Variants in WWOX observed in about 807,000 individuals in gnomAD.
WWOX encodes WW domain containing oxidoreductase.
In WWOX, 69 loss-of-function variants were observed where a neutral mutation model predicts 46.2. That is an observed-to-expected ratio of 1.49 (90% CI 1.23 to 1.82). WWOX has a LOEUF of 1.82. Among genes scored for constraint, WWOX ranks in the 40% most tolerant of loss-of-function variants. WWOX has a pLI of 0.00. For synonymous variants in WWOX, 359 were observed against 202.6 expected (o/e 1.77, Z -6.56); for missense variants, 919 against 542.6 (o/e 1.69, Z -6.89).
intron 8 of WWOX, among the ~76,000 whole-genome samples, chr16:78,440,612 GTTTT>G: frequency 6.9e-6 from 1 of 144,696 alleles, no homozygotes; most frequent in Non-Finnish European, 1.5e-5. Context: ...AATTTCTGTA[GTTTT>G]TTTTTTTTCT....
chr16:78,664,841 C>T (rs1392835762), intron 8 of WWOX, among the ~76,000 whole-genome samples: 1 of 152,038 alleles, frequency 6.6e-6, no homozygotes, highest in Non-Finnish European at 1.5e-5. Flanking sequence ...AACAAGAGTC[C>T]AATTCTAAAT....
intron 8 of WWOX, among the ~76,000 whole-genome samples, chr16:78,518,323 C>T (rs763698685): frequency 3.3e-5 from 5 of 152,156 alleles, no homozygotes; most frequent in African/African-American, 4.8e-5. Context: ...CCTCCGCCTC[C>T]TGGGATCAAG....
chr16:78,797,523 C>T (rs1341045817), intron 8 of WWOX, among the ~76,000 whole-genome samples: 2 of 152,112 alleles, frequency 1.3e-5, no homozygotes, highest in East Asian at 1.9e-4. Context: ...GAGTGCCAGC[C>T]AGGATTGAGG....
At chr16:79,013,845 A>G (rs1475582410) in intron 8 of WWOX, among the ~76,000 whole-genome samples, 2 of 151,810 alleles carry the variant, frequency 1.3e-5, no homozygotes, top group Admixed American at 6.6e-5. Flanking sequence ...TCTACTTTTC[A>G]TTCTCGCTCT....
intron 8 of WWOX, among the ~76,000 whole-genome samples, chr16:78,921,266 G>A (rs1476448993): frequency 6.6e-6 from 1 of 152,130 alleles, no homozygotes; most frequent in African/African-American, 2.4e-5. Context: ...AATAGATACA[G>A]CTACGTCAAA....
At chr16:78,837,558 T>C (rs2052023702) in intron 8 of WWOX, among the ~76,000 whole-genome samples, 1 of 152,182 alleles carries the variant, frequency 6.6e-6, no homozygotes, top group Admixed American at 6.5e-5. Context: ...ATTATTATTT[T>C]TTATTTTCTA....
intron 8 of WWOX, among the ~76,000 whole-genome samples, chr16:78,917,603 A>C (rs989332092): frequency 2.1e-4 from 32 of 152,164 alleles, no homozygotes; most frequent in Non-Finnish European, 4.4e-4. Context: ...ATTCTTTTGC[A>C]GCTGCAGCCC....
At chr16:78,423,886 T>C (rs994644829) in intron 6 of WWOX, among the ~76,000 whole-genome samples, 3 of 150,364 alleles carry the variant, frequency 2.0e-5, no homozygotes, top group African/African-American at 7.3e-5. Flanking sequence ...TAAGGGAGAA[T>C]ACTATGACAG....
intron 5 of WWOX, among the ~76,000 whole-genome samples, chr16:78,292,091 C>T (rs745703680): frequency 7.4e-6 from 1 of 135,600 alleles, no homozygotes; most frequent in African/African-American, 2.8e-5. Flanking sequence ...TCCCTTGAGA[C>T]AGTGTCATTC....
At chr16:78,772,990 G>C (rs574405476) in intron 8 of WWOX, among the ~76,000 whole-genome samples, 3 of 152,136 alleles carry the variant, frequency 2.0e-5, no homozygotes, top group Non-Finnish European at 4.4e-5. Flanking sequence ...ATGCCGCTGT[G>C]CTCCAGCCTG....
chr16:78,199,817 C>T (rs927129094), intron 5 of WWOX, among the ~76,000 whole-genome samples: 1 of 152,154 alleles, frequency 6.6e-6, no homozygotes, highest in Non-Finnish European at 1.5e-5. Flanking sequence ...CAGAATCCAG[C>T]AGCTGATGGC....
chr16:78,431,314 G>A (rs1438713089), intron 7 of WWOX, among the ~76,000 whole-genome samples: 3 of 152,102 alleles, frequency 2.0e-5, no homozygotes, highest in Non-Finnish European at 4.4e-5. Flanking sequence ...TCTTTTAAAC[G>A]TATAAGACTA....
At chr16:78,974,671 C>T (rs9927800) in intron 8 of WWOX, among the ~76,000 whole-genome samples, 88,471 of 152,018 alleles carry the variant, frequency 0.58, 26,065 homozygotes, top group Middle Eastern at 0.7. Context: ...AAGAGGAGGA[C>T]AGATTATTCT....
Position 78,373,291 on chromosome 16 carries a change from G to C in WWOX, c.517-13569G>C, listed in dbSNP as rs1038714734. Among the ~76,000 whole-genome samples, 3 of 152,160 alleles carry C rather than the reference G, an allele frequency of 2.0e-5. No homozygotes were observed. The South Asian group carries it at 6.2e-4, about 32-fold the overall frequency. ...GACACAGATCCACATGGGTGTCTCT[G>C]ATTGACAGTTGGCTTTGTCTATTTG... On this transcript the variant is annotated intron_variant, in intron 5 of 8. Transcript: ENST00000566780.
intron 8 of WWOX, among the ~76,000 whole-genome samples, chr16:78,969,440 T>G (rs913635297): frequency 6.6e-6 from 1 of 151,876 alleles, no homozygotes; most frequent in Non-Finnish European, 1.5e-5. Flanking sequence ...CCCAGCTAAT[T>G]TTGTATTTCT....
chr16:79,159,563 C>T (rs914856779), intron 8 of WWOX, among the ~76,000 whole-genome samples: 4 of 152,172 alleles, frequency 2.6e-5, no homozygotes, highest in African/African-American at 9.7e-5. Context: ...TTGGAAAATG[C>T]TCTCTTTCTT....
chr16:78,885,191 A>G (rs1442170675), intron 8 of WWOX, among the ~76,000 whole-genome samples: 4 of 135,354 alleles, frequency 3.0e-5, no homozygotes, highest in Non-Finnish European at 6.3e-5. Flanking sequence ...ATCACTCTCT[A>G]CTTTTTTTTT....
At chr16:78,343,943 G>C (rs2081056498) in intron 5 of WWOX, among the ~76,000 whole-genome samples, 1 of 120,394 alleles carries the variant, frequency 8.3e-6, no homozygotes, top group African/African-American at 2.8e-5. Context: ...AAATGTGGTT[G>C]CATCATCTTC....
At chr16:79,095,989 A>G (rs983697775) in intron 8 of WWOX, among the ~76,000 whole-genome samples, 3 of 138,478 alleles carry the variant, frequency 2.2e-5, no homozygotes, top group Non-Finnish European at 3.1e-5. Context: ...AGCTGGGACT[A>G]CAGGCATGCG....
Sources: allele counts gnomAD v4.1 joint callset (sites outside exome capture counted in the v4.1 genomes callset), GRCh38; gene constraint gnomAD v4.1.1; transcripts MANE v1.5; gene names NCBI Gene and HGNC (gene_info 2026-07-23, HGNC 2026-07-21).